TC2N: variants seen among roughly 807,000 people sequenced by gnomAD.
The protein encoded by TC2N is tandem C2 domains, nuclear.
In TC2N, 51 loss-of-function variants were observed where a neutral mutation model predicts 61.9. That is an observed-to-expected ratio of 0.82 (90% CI 0.66 to 1.04). The LOEUF is 1.04. Among genes scored for constraint, TC2N ranks in the 50% least tolerant of loss-of-function variants. The pLI is 0.00. For missense variants in TC2N, 556 were observed against 566.7 expected, an observed-to-expected ratio of 0.98 and a Z score of 0.19; for synonymous variants, 204 against 192.6, an observed-to-expected ratio of 1.06 and a Z score of -0.49.
intron 1 of TC2N, chr14:91,866,629 A>G (rs1245777482): frequency 6.6e-6 from 1 of 152,138 alleles, no homozygotes; most frequent in Non-Finnish European, 1.5e-5. Context: ...TCAGGACCTG[A>G]TGGAGTGGTA....
At chr14:91,847,656 C>T (rs1888297165) in intron 1 of TC2N, among the ~76,000 whole-genome samples, 1 of 152,214 alleles carries the variant, frequency 6.6e-6, no homozygotes, top group South Asian at 2.1e-4. Context: ...CCCCCTGGTC[C>T]TGGCTAAGCT....
intron 3 of TC2N, among the ~76,000 whole-genome samples, chr14:91,805,685 G>A (rs1475037615): frequency 6.6e-6 from 1 of 152,002 alleles, no homozygotes; most frequent in Non-Finnish European, 1.5e-5. Flanking sequence ...AGTTTATACA[G>A]TAAAAAGTTA....
intron 1 of TC2N, among the ~76,000 whole-genome samples, chr14:91,852,233 G>T (rs1489902831): frequency 6.6e-6 from 1 of 152,198 alleles, no homozygotes; most frequent in Non-Finnish European, 1.5e-5. Context: ...TTTGAGACCA[G>T]CCTGAACAAC....
intron 5 of TC2N, among the ~76,000 whole-genome samples, chr14:91,799,479 A>G (rs1886109838): frequency 6.6e-6 from 1 of 152,086 alleles, no homozygotes; most frequent in Admixed American, 6.6e-5. Context: ...TGGTAGCAAT[A>G]CAAACTCAGG....
At chr14:91,790,068 G>C (rs971677761) in intron 9 of TC2N, among the ~76,000 whole-genome samples, 1 of 152,160 alleles carries the variant, frequency 6.6e-6, no homozygotes, top group African/African-American at 2.4e-5. Flanking sequence ...TCAGGCAAGT[G>C]TTCCCCTGAT....
At chr14:91,833,041 A>T (rs1424717933) in intron 1 of TC2N, among the ~76,000 whole-genome samples, 1 of 152,236 alleles carries the variant, frequency 6.6e-6, no homozygotes, top group Non-Finnish European at 1.5e-5. Context: ...TGGAATGCAT[A>T]GACATGTGGT....
intron 1 of TC2N, among the ~76,000 whole-genome samples, chr14:91,853,722 C>T (rs139715724): frequency 1.3e-5 from 2 of 151,238 alleles, no homozygotes; most frequent in Admixed American, 6.6e-5. Context: ...TGAAGTGCTG[C>T]AGTTGCCCAG....
At chr14:91,840,412 C>T (rs918443309) in intron 1 of TC2N, among the ~76,000 whole-genome samples, 3 of 152,132 alleles carry the variant, frequency 2.0e-5, no homozygotes, top group African/African-American at 7.2e-5. Context: ...TTATTAAGGT[C>T]ATAGAAACTT....
At chr14:91,848,854 A>G (rs1327403514) in intron 1 of TC2N, among the ~76,000 whole-genome samples, 1 of 152,184 alleles carries the variant, frequency 6.6e-6, no homozygotes, top group African/African-American at 2.4e-5. Context: ...AGCTCTTCAT[A>G]GTCATCATCT....
At chr14:91,857,173 A>G (rs1229290737) in intron 1 of TC2N, among the ~76,000 whole-genome samples, 2 of 152,204 alleles carry the variant, frequency 1.3e-5, no homozygotes, top group Non-Finnish European at 2.9e-5. Context: ...TTCAGTTGTC[A>G]TGGACTATAT....
At chr14:91,831,517 T>C (rs1228480232) in intron 1 of TC2N, among the ~76,000 whole-genome samples, 1 of 152,180 alleles carries the variant, frequency 6.6e-6, no homozygotes, top group Non-Finnish European at 1.5e-5. Context: ...AAGACTGTGG[T>C]AAGATACATA....
chr14:91,817,687 C>G (rs1440886249), intron 1 of TC2N, among the ~76,000 whole-genome samples: 1 of 152,092 alleles, frequency 6.6e-6, no homozygotes, highest in Non-Finnish European at 1.5e-5. Flanking sequence ...AAATATTTAA[C>G]ATTAACCATG....
At chr14:91,800,236 G>C in intron 5 of TC2N, 45 bp downstream of exon 5, 1 of 1,238,116 alleles carries the variant, frequency 8.1e-7, no homozygotes, top group South Asian at 1.4e-5. Flanking sequence ...TTTTTAATTT[G>C]AAAGGAAATT....
chr14:91,850,932 G>GA (rs1346693823), intron 1 of TC2N, among the ~76,000 whole-genome samples: 2 of 151,296 alleles, frequency 1.3e-5, no homozygotes, highest in African/African-American at 2.4e-5. Context: ...CTCCATCTTG[G>GA]AAAAAAAAGA....
At chr14:91,834,744 G>A (rs1351512490) in intron 1 of TC2N, among the ~76,000 whole-genome samples, 1 of 151,970 alleles carries the variant, frequency 6.6e-6, no homozygotes, top group Non-Finnish European at 1.5e-5. Flanking sequence ...TCCTCTCCTG[G>A]CTTCTATGAG....
intron 1 of TC2N, among the ~76,000 whole-genome samples, chr14:91,814,065 A>AG (rs1221594355): frequency 6.6e-6 from 1 of 151,570 alleles, no homozygotes; most frequent in Non-Finnish European, 1.5e-5. Context: ...GGAAAAAAAA[A>AG]GAAAAATTCC....
At chr14:91,804,374 A>G (rs1271643132) in intron 3 of TC2N, among the ~76,000 whole-genome samples, 1 of 152,224 alleles carries the variant, frequency 6.6e-6, no homozygotes, top group Non-Finnish European at 1.5e-5. Context: ...ATGTGCACCA[A>G]GAGATAGGTA....
At chr14:91,800,869 G>GT (rs1403030146) in intron 4 of TC2N, among the ~76,000 whole-genome samples, 7 of 151,902 alleles carry the variant, frequency 4.6e-5, no homozygotes, top group African/African-American at 1.7e-4. Flanking sequence ...AGTAGTGAAC[G>GT]TAAGGCAGGC....
At chr14:91,790,040 A>G (rs181210717) in intron 9 of TC2N, among the ~76,000 whole-genome samples, 1 of 152,174 alleles carries the variant, frequency 6.6e-6, no homozygotes, top group Non-Finnish European at 1.5e-5. Flanking sequence ...TGACTCCCCA[A>G]CTACTGGCTG....
Sources: allele counts gnomAD v4.1 joint callset (sites outside exome capture counted in the v4.1 genomes callset), GRCh38; gene constraint gnomAD v4.1.1; transcripts MANE v1.5; gene names NCBI Gene and HGNC (gene_info 2026-07-23, HGNC 2026-07-21).